NELL1: variants seen among roughly 807,000 people sequenced by gnomAD.
The protein encoded by NELL1 is neural EGFL like 1.
NELL1 carries 76 observed loss-of-function variants against 107.4 expected under a neutral mutation model. The observed-to-expected ratio is 0.71, with a 90% CI of 0.59 to 0.86. The LOEUF (loss-of-function observed/expected upper bound fraction) is 0.86. Among genes scored for constraint, NELL1 ranks in the 40% least tolerant of loss-of-function variants. NELL1 has a pLI of 0.00. For missense variants in NELL1, 1,024 were observed against 1,005.5 expected, an observed-to-expected ratio of 1.02 and a Z score of -0.25; for synonymous variants, 353 against 341.2, an observed-to-expected ratio of 1.03 and a Z score of -0.38.
chr11:20,943,740 T>C (rs1293904504), intron 10 of NELL1, among the ~76,000 whole-genome samples: 2 of 152,196 alleles, frequency 1.3e-5, no homozygotes, highest in African/African-American at 4.8e-5. Context: ...CCTGTGTGGT[T>C]TGGCCCCACA....
At chr11:21,123,341 G>GCC (rs1305743132) in intron 13 of NELL1, among the ~76,000 whole-genome samples, 1 of 78,552 alleles carries the variant, frequency 1.3e-5, no homozygotes, top group South Asian at 4.8e-4. Flanking sequence ...CTGCGTGTGT[G>GCC]TGTGTGTGTG....
intron 5 of NELL1, among the ~76,000 whole-genome samples, chr11:20,901,371 G>T (rs1849869694): frequency 7.9e-5 from 12 of 151,802 alleles, no homozygotes; most frequent in Admixed American, 7.9e-4. Context: ...AATCAAATAG[G>T]AACAAATCAA....
chr11:20,876,143 C>G (rs1175273037), intron 4 of NELL1, among the ~76,000 whole-genome samples: 1 of 152,196 alleles, frequency 6.6e-6, no homozygotes, highest in East Asian at 1.9e-4. Context: ...TGTTAAGGAA[C>G]CTGCTGAGCC....
chr11:20,986,010 A>C (rs1851845712), intron 12 of NELL1, among the ~76,000 whole-genome samples: 4 of 152,218 alleles, frequency 2.6e-5, no homozygotes, highest in Admixed American at 2.6e-4. Context: ...AGTTAGAATT[A>C]GAAGCCCAAA....
At chr11:21,567,714 A>T (rs1411754165) in intron 17 of NELL1, among the ~76,000 whole-genome samples, 1 of 151,842 alleles carries the variant, frequency 6.6e-6, no homozygotes, top group Non-Finnish European at 1.5e-5. Context: ...GTTGTTGTGG[A>T]TAAAGTAGAT....
At chr11:21,561,936 T>C (rs1856859542) in intron 17 of NELL1, among the ~76,000 whole-genome samples, 2 of 152,074 alleles carry the variant, frequency 1.3e-5, no homozygotes, top group African/African-American at 4.8e-5. Flanking sequence ...AAGAGGATGG[T>C]AATTAGGTCT....
At position 21,396,844 on chromosome 11, in the gene NELL1, T is replaced by TA. The variant is rs201168077; in HGVS notation, c.1645+25906dup. Among the ~76,000 whole-genome samples, 101 of 148,418 alleles carry TA rather than the reference T, an allele frequency of 6.8e-4. 1 individual carries two copies. The highest frequency in any genetic ancestry group is 2.0e-3 in the East Asian group (10 of 5,006). On this transcript the variant is annotated intron_variant, in intron 15 of 19. Transcript: ENST00000357134. ...GACATTCCAGACAGAGAGAATGCCATAAAAAAAAAATTGCAGCATGAGACT... is the reference window on the plus strand; with the variant it reads ...GACATTCCAGACAGAGAGAATGCCATAAAAAAAAAAATTGCAGCATGAGACT...
intron 4 of NELL1, 115 bp from the exon 5 acceptor site, chr11:20,885,329 C>T (rs1849486067): frequency 2.9e-6 from 2 of 690,290 alleles, no homozygotes; most frequent in South Asian, 1.6e-5. Flanking sequence ...AAGTGTGCCA[C>T]ATATTGGCTT....
intron 2 of NELL1, among the ~76,000 whole-genome samples, chr11:20,688,156 T>A (rs1168827747): frequency 6.6e-6 from 1 of 152,206 alleles, no homozygotes; most frequent in Middle Eastern, 3.4e-3. Context: ...TAGAATTTGT[T>A]ATAGAGGCTA....
intron 13 of NELL1, among the ~76,000 whole-genome samples, chr11:21,163,748 A>G (rs926907278): frequency 3.3e-5 from 5 of 152,104 alleles, no homozygotes; most frequent in African/African-American, 1.2e-4. Flanking sequence ...CTCAGATGTT[A>G]GAAGTTCTGG....
intron 12 of NELL1, among the ~76,000 whole-genome samples, chr11:21,035,067 C>T (rs922812636): frequency 6.6e-5 from 10 of 151,864 alleles, no homozygotes; most frequent in Non-Finnish European, 1.0e-4. Flanking sequence ...TACCACTGAC[C>T]CCACAGAACT....
chr11:20,996,981 CT>C (rs1302665091), intron 12 of NELL1, among the ~76,000 whole-genome samples: 1 of 152,134 alleles, frequency 6.6e-6, no homozygotes, highest in South Asian at 2.1e-4. Flanking sequence ...CATATTTCTT[CT>C]TTTTCCCTAC....
rs111415912 is a variant in NELL1, at chr11:20,977,421, C to A, written c.1300+16861C>A. ...CTGGGACTACAGGCATCTGCCACCA[C>A]GCCCTGCTAATTTTTTTGTATTTTA... is the stretch of plus-strand genomic sequence containing the variant. On this transcript the variant is annotated intron_variant, in intron 12 of 19. Transcript: ENST00000357134. Among the ~76,000 whole-genome samples, 475 of 152,074 alleles carry A rather than the reference C, an allele frequency of 3.1e-3. 7 individuals carry two copies. The highest frequency in any genetic ancestry group is 0.011 in the African/African-American group (450 of 41,476).
chr11:21,194,292 A>G (rs929139589), intron 13 of NELL1, among the ~76,000 whole-genome samples: 3 of 149,376 alleles, frequency 2.0e-5, no homozygotes, highest in African/African-American at 5.1e-5. Context: ...CTTATCCACA[A>G]TGAATCAATC....
intron 4 of NELL1, among the ~76,000 whole-genome samples, chr11:20,851,576 A>G (rs1848796479): frequency 6.6e-6 from 1 of 152,140 alleles, no homozygotes; most frequent in Non-Finnish European, 1.5e-5. Context: ...GCCTGTCTCT[A>G]TTACTCAAAG....
intron 13 of NELL1, among the ~76,000 whole-genome samples, chr11:21,206,408 T>C (rs1284766667): frequency 6.6e-6 from 1 of 152,312 alleles, no homozygotes; most frequent in Non-Finnish European, 1.5e-5. Context: ...TTATATCTGG[T>C]GAGACTTTAT....
At chr11:21,427,886 C>T (rs1852866902) in intron 15 of NELL1, among the ~76,000 whole-genome samples, 1 of 152,260 alleles carries the variant, frequency 6.6e-6, no homozygotes, top group Admixed American at 6.5e-5. Context: ...AAAATAAAAG[C>T]CACTGCAACT....
chr11:21,391,237 A>G (rs1257594608), intron 15 of NELL1, among the ~76,000 whole-genome samples: 2 of 151,722 alleles, frequency 1.3e-5, no homozygotes, highest in Admixed American at 1.3e-4. Context: ...ATATTGTCCT[A>G]TTCTTGTTAA....
rs182807106 is a variant in NELL1 at position 20,762,245 on chromosome 11, G to C, written c.185-21435G>C. On this transcript the variant is annotated intron_variant, in intron 2 of 19. Coordinates refer to ENST00000357134, the MANE Select transcript of NELL1 (RefSeq NM_006157.5). ...GTTGTGCTGAAGGCAGGGATTGTGG[G>C]GTATTGCGAGGGAGACAGGAGAGAT... Among the ~76,000 whole-genome samples, 159 of 152,270 alleles carry C rather than the reference G, an allele frequency of 1.0e-3. 1 individual carries two copies. Among genetic ancestry groups the C allele is most frequent in the African/African-American group, 3.8e-3 (156 of 41,556 alleles).
Sources: allele counts gnomAD v4.1 joint callset (sites outside exome capture counted in the v4.1 genomes callset), GRCh38; gene constraint gnomAD v4.1.1; transcripts MANE v1.5; gene names NCBI Gene and HGNC (gene_info 2026-07-23, HGNC 2026-07-21).